NFIA: variants seen among roughly 807,000 people sequenced by gnomAD.
The protein encoded by NFIA is nuclear factor I A, also known as nuclear factor 1 A-type.
Under a neutral mutation model 62.8 loss-of-function variants are expected in NFIA, and 8 were observed. The ratio of observed to expected loss-of-function variants is 0.13; its 90% CI spans 0.07 to 0.23. The LOEUF (loss-of-function observed/expected upper bound fraction) is 0.23, where lower values mean the gene tolerates loss of function less well. Ranked by LOEUF, NFIA falls within the 10% of genes least tolerant of loss-of-function variation. The pLI is 1.00. For synonymous variants in NFIA, 235 were observed against 238.1 expected (o/e 0.99, Z 0.12); for missense variants, 410 against 642.1 (o/e 0.64, Z 3.91).
upstream of NFIA, among the ~76,000 whole-genome samples, chr1:61,080,189 G>A (rs1646078728): frequency 6.6e-6 from 1 of 151,900 alleles, no homozygotes; most frequent in Non-Finnish European, 1.5e-5. Context: ...AGATAATATT[G>A]CTAACCGCAG....
chr1:61,389,971 G>A (rs1664888244), intron 7 of NFIA, among the ~76,000 whole-genome samples: 1 of 152,148 alleles, frequency 6.6e-6, no homozygotes, highest in Non-Finnish European at 1.5e-5. Flanking sequence ...CTCTTACAGT[G>A]TACAAGATGC....
intron 4 of NFIA, among the ~76,000 whole-genome samples, chr1:61,345,934 A>C (rs1483093601): frequency 1.3e-5 from 2 of 152,186 alleles, no homozygotes. Flanking sequence ...TGGTGGCAGC[A>C]GTGGTTAGTG....
intron 2 of NFIA, among the ~76,000 whole-genome samples, chr1:61,170,808 C>T (rs1180240382): frequency 6.6e-6 from 1 of 152,190 alleles, no homozygotes; most frequent in East Asian, 1.9e-4. Context: ...AAAGCTGTGC[C>T]AACATCAGTG....
chr1:61,150,993 T>G (rs1197924619), intron 2 of NFIA, among the ~76,000 whole-genome samples: 1 of 152,184 alleles, frequency 6.6e-6, no homozygotes, highest in Non-Finnish European at 1.5e-5. Context: ...GCCATGGGAC[T>G]GAAGATGCAG....
intron 3 of NFIA, among the ~76,000 whole-genome samples, chr1:61,320,865 T>C (rs1570574804): frequency 6.6e-6 from 1 of 152,164 alleles, no homozygotes; most frequent in South Asian, 2.1e-4. Context: ...TCACTTAAGA[T>C]AATCAGTTTC....
At chr1:61,126,001 G>GT (rs1646960286) in intron 2 of NFIA, among the ~76,000 whole-genome samples, 1 of 152,176 alleles carries the variant, frequency 6.6e-6, no homozygotes, top group African/African-American at 2.4e-5. Flanking sequence ...AGATACTAGA[G>GT]TAGGTACTTT....
At chr1:61,175,687 TATTGTC>T (rs2100554131) in intron 2 of NFIA, among the ~76,000 whole-genome samples, 1 of 152,346 alleles carries the variant, frequency 6.6e-6, no homozygotes, top group South Asian at 2.1e-4. Context: ...TACATTTATT[TATTGTC>T]ACATGTCATA....
At chr1:61,369,467 C>T (rs1663769218) in intron 6 of NFIA, among the ~76,000 whole-genome samples, 1 of 151,988 alleles carries the variant, frequency 6.6e-6, no homozygotes, top group Non-Finnish European at 1.5e-5. Context: ...ATCAGACTTA[C>T]CTAAGAGTAT....
At chr1:61,186,974 A>G (rs557694122) in intron 2 of NFIA, among the ~76,000 whole-genome samples, 2 of 152,330 alleles carry the variant, frequency 1.3e-5, no homozygotes, top group South Asian at 2.1e-4. Context: ...TTGGCATCCC[A>G]GTGGTGCTGT....
chr1:61,337,313 C>T (rs1661663946), intron 4 of NFIA, among the ~76,000 whole-genome samples: 1 of 70,586 alleles, frequency 1.4e-5, no homozygotes, highest in African/African-American at 5.0e-5. Context: ...TCCTGCCTAC[C>T]ACCTTTTAAT....
chr1:61,112,804 A>G (rs1646725157), intron 2 of NFIA, among the ~76,000 whole-genome samples: 1 of 152,196 alleles, frequency 6.6e-6, no homozygotes, highest in Admixed American at 6.6e-5. Flanking sequence ...TTTCTTTTGT[A>G]GGCCTAACAT....
intron 6 of NFIA, among the ~76,000 whole-genome samples, chr1:61,378,687 C>A (rs1307149292): frequency 2.0e-5 from 3 of 152,184 alleles, no homozygotes; most frequent in Non-Finnish European, 4.4e-5. Flanking sequence ...TTAGGTCATA[C>A]AAGGCTGCAA....
chr1:61,328,824 A>G (rs1169546989), intron 3 of NFIA, among the ~76,000 whole-genome samples: 2 of 146,108 alleles, frequency 1.4e-5, no homozygotes. Context: ...TTGGGTTCAA[A>G]TGATTCTCCT....
chr1:61,327,968 G>T (rs1453855492), intron 3 of NFIA, among the ~76,000 whole-genome samples: 2 of 151,944 alleles, frequency 1.3e-5, no homozygotes, highest in Non-Finnish European at 2.9e-5. Context: ...TAGAAGTAAG[G>T]TGGCATCTCA....
At chr1:61,410,954 CAA>C (rs765992525) in intron 9 of NFIA, among the ~76,000 whole-genome samples, 1 of 151,680 alleles carries the variant, frequency 6.6e-6, no homozygotes, top group Non-Finnish European at 1.5e-5. Context: ...GAAAATATGC[CAA>C]GTGTCTTCTG....
Position 61,191,341 on chromosome 1 carries a change from C to T in NFIA, c.560-86179C>T, listed in dbSNP as rs775993451. Among the ~76,000 whole-genome samples, 49 of 152,114 alleles carry T rather than the reference C, an allele frequency of 3.2e-4. 1 individual carries two copies. Among genetic ancestry groups the T allele is most frequent in the Non-Finnish European group, 1.3e-4 (9 of 68,020 alleles). On this transcript the variant is annotated intron_variant, in intron 2 of 10. Transcript: ENST00000403491. ...AAATGAATAGTAGTATTTAAAGTCT[C>T]AAGTTGCTATGATACAGGCTTCACC...
chr1:61,357,522 C>T (rs1309774833), intron 5 of NFIA, among the ~76,000 whole-genome samples: 3 of 152,174 alleles, frequency 2.0e-5, no homozygotes, highest in African/African-American at 4.8e-5. Flanking sequence ...TTCCTTCATT[C>T]TTCCCTGTCT....
At chr1:61,105,422 A>G (rs1395432747) in intron 2 of NFIA, among the ~76,000 whole-genome samples, 1 of 152,008 alleles carries the variant, frequency 6.6e-6, no homozygotes, top group African/African-American at 2.4e-5. Context: ...TGATCTCTAA[A>G]CAAGATGTTT....
At chr1:61,187,843 C>T (rs1020409056) in intron 2 of NFIA, among the ~76,000 whole-genome samples, 1 of 152,124 alleles carries the variant, frequency 6.6e-6, no homozygotes, top group Non-Finnish European at 1.5e-5. Flanking sequence ...CTCCATTTTC[C>T]TTTTGTTGAA....
Sources: allele counts gnomAD v4.1 joint callset (sites outside exome capture counted in the v4.1 genomes callset), GRCh38; gene constraint gnomAD v4.1.1; transcripts MANE v1.5; gene names NCBI Gene and HGNC (gene_info 2026-07-23, HGNC 2026-07-21).